Variants in TLE2 observed in about 807,000 individuals in gnomAD.
TLE2 encodes the protein TLE family member 2, transcriptional corepressor, also known as transducin-like enhancer protein 2.
In TLE2, 74 loss-of-function variants were observed where a neutral mutation model predicts 97.2. The ratio of observed to expected loss-of-function variants is 0.76; its 90% confidence interval spans 0.63 to 0.92. TLE2 has a LOEUF of 0.92. Ranked by LOEUF, TLE2 falls within the 40% of genes least tolerant of loss-of-function variation. The pLI is 0.00. For missense variants in TLE2, 1,038 were observed against 1,008.7 expected, an observed-to-expected ratio of 1.03 and a Z score of -0.39; for synonymous variants, 499 against 432.1, an observed-to-expected ratio of 1.15 and a Z score of -1.92.
chr19:3,036,984 A>G (rs979266341), intron 1 of TLE2, among the ~76,000 whole-genome samples: 13 of 152,164 alleles, frequency 8.5e-5, no homozygotes, highest in African/African-American at 3.1e-4. Flanking sequence ...GTTGGGTGGT[A>G]GTATTTAATA....
At chr19:3,000,755 G>A (rs754268778) in intron 18 of TLE2, 32 bp from the exon 19 acceptor site, 4 of 1,552,896 alleles carry the variant, frequency 2.6e-6, no homozygotes, top group Non-Finnish European at 3.5e-6. Context: ...GGTTCAAGGA[G>A]GGGGCACTAA....
At chr19:3,038,618 T>C (rs1217103267) in intron 1 of TLE2, among the ~76,000 whole-genome samples, 1 of 152,112 alleles carries the variant, frequency 6.6e-6, no homozygotes, top group African/African-American at 2.4e-5. Context: ...CATTGAAATG[T>C]GAATCAGGGC....
intron 7 of TLE2, among the ~76,000 whole-genome samples, chr19:3,018,486 T>C (rs1312054225): frequency 6.6e-6 from 1 of 150,424 alleles, no homozygotes; most frequent in Non-Finnish European, 1.5e-5. Context: ...AGAGACAAGG[T>C]TTCACCACGT....
At chr19:3,000,544 C>T (rs1004939386) in intron 19 of TLE2, 103 bp downstream of exon 19, 32 of 1,025,126 alleles carry the variant, frequency 3.1e-5, no homozygotes, top group Non-Finnish European at 4.3e-5. Flanking sequence ...GTTAGGGTGG[C>T]GGGGGGACCT....
At chr19:3,027,453 G>A (rs2089965359) in intron 4 of TLE2, among the ~76,000 whole-genome samples, 1 of 152,198 alleles carries the variant, frequency 6.6e-6, no homozygotes. Context: ...GGTTGAAAGG[G>A]ACCTCTAAGA....
rs116119979 is a variant in TLE2 at position 3,025,806 on chromosome 19, G to A, written c.232-724C>T. On this transcript the variant is annotated intron_variant, in intron 4 of 19. Transcript: ENST00000262953. ...TGGAACTGGGATCCCAGGGTGTCCCGCACCCCATAAAGGGGGGTCTATTGC... is the reference window on the plus strand; with the variant it reads ...TGGAACTGGGATCCCAGGGTGTCCCACACCCCATAAAGGGGGGTCTATTGC... Among the ~76,000 whole-genome samples, 370 of 148,628 alleles carry A rather than the reference G, an allele frequency of 2.5e-3. 1 individual carries two copies. Among genetic ancestry groups the A allele is most frequent in the African/African-American group, 8.6e-3 (333 of 38,850 alleles).
upstream of TLE2, chr19:3,029,282 G>C (rs1041315340): frequency 2.5e-4 from 52 of 210,138 alleles, no homozygotes; most frequent in African/African-American, 1.2e-3. Flanking sequence ...GGGCTCGGCC[G>C]GGAGCCGCGG....
chr19:3,027,855 C>A lies in TLE2; in HGVS notation c.205G>T (p.Gly69Trp). 1 of 1,611,412 alleles carries A rather than the reference C, an allele frequency of 6.2e-7. No individual in the cohort carries two copies. Among genetic ancestry groups the A allele is most frequent in the Non-Finnish European group, 8.5e-7 (1 of 1,179,016 alleles). The stretch of plus-strand genomic sequence containing the variant: ...TGCTTATGCATTTCAATGTTGAGCC[C>A]GTACGACATCTCATAATACTGCAAA... ...HYVMYYEMSY[G>W]LNIEMHKQAE... The change falls in exon 4 of 20, where the codon GGG becomes TGG. Residue 69 changes from glycine (G) to tryptophan (W), a missense_variant. By Grantham distance (184) the Gly-to-Trp change is radical. Transcript: ENST00000262953.
intron 11 of TLE2, among the ~76,000 whole-genome samples, chr19:3,011,634 G>C: frequency 6.6e-6 from 1 of 151,794 alleles, no homozygotes; most frequent in East Asian, 1.9e-4. Flanking sequence ...TGGATCACTT[G>C]AGGTCAGGAG....
At chr19:3,042,032 G>A (rs1685937960) in intron 1 of TLE2, among the ~76,000 whole-genome samples, 1 of 151,828 alleles carries the variant, frequency 6.6e-6, no homozygotes, top group Non-Finnish European at 1.5e-5. Flanking sequence ...CCGGCCCAGC[G>A]TGTTCCCCGA....
chr19:2,998,112 C>T (rs1265852380), intron 19 of TLE2, among the ~76,000 whole-genome samples, 157 bp from the exon 20 acceptor site: 3 of 151,828 alleles, frequency 2.0e-5, no homozygotes, highest in Non-Finnish European at 4.4e-5. Context: ...TTCTTGTCGC[C>T]CAGGCTGAAG....
At chr19:3,018,771 C>T (rs1178399685) in intron 7 of TLE2, among the ~76,000 whole-genome samples, 2 of 152,018 alleles carry the variant, frequency 1.3e-5, no homozygotes, top group African/African-American at 4.8e-5. Context: ...CCCGCCACCA[C>T]TCCTGCCTAA....
chr19:3,013,740 G>A lies in TLE2; in HGVS notation c.802C>T (p.Leu268=). ...VPICIPARRD[L]VDSPASLASS... is the part of the protein sequence containing the mutation. ...GCCAAGGAGGCTGGACTGTCCACCA[G>A]GTCCCGACGGGCAGGAATGCAGATG... Residue 268 remains leucine (L), a synonymous_variant, in exon 11 of 20, where the codon CTG becomes TTG. Transcript: ENST00000262953. 1 of 1,562,350 alleles carries A rather than the reference G, an allele frequency of 6.4e-7. No individual in the cohort carries two copies. The highest frequency in any genetic ancestry group is 8.6e-7 in the Non-Finnish European group (1 of 1,156,516).
intron 8 of TLE2, among the ~76,000 whole-genome samples, chr19:3,016,926 C>T (rs1207968906): frequency 6.6e-6 from 1 of 151,224 alleles, no homozygotes; most frequent in Non-Finnish European, 1.5e-5. Context: ...TTACAGGCGC[C>T]CACCACCACA....
intron 11 of TLE2, among the ~76,000 whole-genome samples, chr19:3,011,714 G>T (rs2089601403): frequency 6.6e-6 from 1 of 151,710 alleles, no homozygotes. Context: ...GCTGGACGTG[G>T]TGGCGCATGC....
rs374994299 is a variant in TLE2, at chr19:3,009,602, G to A, written c.1113C>T (p.Tyr371=). Residue 371 remains tyrosine (Y), a synonymous_variant, in exon 13 of 20, where the codon TAC becomes TAT. Coordinates refer to ENST00000262953, the MANE Select transcript of TLE2 (RefSeq NM_003260.5). ...CCTGGGGGGACAGGTGGAGGCTGACGTAGGAGCTGGGCACGGAGAGGTCTC... is the reference window on the plus strand; with the variant it reads ...CCTGGGGGGACAGGTGGAGGCTGACATAGGAGCTGGGCACGGAGAGGTCTC... ...LNGDLSVPSS[Y]VSLHLSPQVS... is the part of the protein sequence containing the mutation. The A allele has an allele frequency of 2.3e-5, 37 of 1,613,464 alleles. No homozygotes were observed. Among genetic ancestry groups the A allele is most frequent in the Middle Eastern group, 1.7e-4 (1 of 6,048 alleles).
At chr19:3,014,663 C>T in intron 9 of TLE2, 49 bp from the exon 10 acceptor site, 2 of 1,521,218 alleles carry the variant, frequency 1.3e-6, no homozygotes, top group East Asian at 5.0e-5. Context: ...CCCCTGCCTC[C>T]ACACCCCCTA....
At chr19:3,046,326 G>A (rs778321295), upstream of TLE2, among the ~76,000 whole-genome samples, 4 of 152,262 alleles carry the variant, frequency 2.6e-5, no homozygotes, top group Non-Finnish European at 5.9e-5. Flanking sequence ...CTCAGCTGCA[G>A]ACAATTCAGC....
chr19:3,011,032 C>T lies in TLE2; in HGVS notation c.1002G>A (p.Thr334=), dbSNP rs34595211. Residue 334 remains threonine, a synonymous_variant, in exon 12 of 20, where the codon ACG becomes ACA. Transcript: ENST00000262953. The part of the protein sequence containing the change: ...CQLAAKPAPS[T]DSVALRSPLT... ...AGGCAAGGTGCTCACCGACGCTGTCCGTGGAAGGTGCTGGCTTGGCAGCAA... is the reference window on the plus strand; with the variant it reads ...AGGCAAGGTGCTCACCGACGCTGTCTGTGGAAGGTGCTGGCTTGGCAGCAA... The T allele has an allele frequency of 2.7e-3, 4,344 of 1,606,100 alleles. 109 individuals are homozygous for T. The African/African-American group carries it at 0.051, about 19-fold the overall frequency.
Sources: allele counts gnomAD v4.1 joint callset (sites outside exome capture counted in the v4.1 genomes callset), GRCh38; gene constraint gnomAD v4.1.1; transcripts MANE v1.5; gene names NCBI Gene and HGNC (gene_info 2026-07-23, HGNC 2026-07-21).